BNC2: variants seen among roughly 807,000 people sequenced by gnomAD.
BNC2 encodes basonuclin zinc finger protein 2.
BNC2 carries 20 observed loss-of-function variants against 76.3 expected under a neutral mutation model. That is an observed-to-expected ratio of 0.26 (90% CI 0.18 to 0.38). The LOEUF (loss-of-function observed/expected upper bound fraction) is 0.38. Ranked by LOEUF, BNC2 falls within the 10% of genes least tolerant of loss-of-function variation. BNC2 has a pLI of 1.00. For missense variants in BNC2, 1,382 were observed against 1,399.8 expected, an observed-to-expected ratio of 0.99 and a Z score of 0.20; for synonymous variants, 582 against 514.8, an observed-to-expected ratio of 1.13 and a Z score of -1.77.
At chr9:16,715,627 T>C (rs375458658) in intron 3 of BNC2, among the ~76,000 whole-genome samples, 1 of 152,206 alleles carries the variant, frequency 6.6e-6, no homozygotes, top group East Asian at 1.9e-4. Context: ...CTCATCATTA[T>C]AAAGCAGCAG....
At chr9:16,832,266 G>A in intron 1 of BNC2, 1 of 1,283,286 alleles carries the variant, frequency 7.8e-7, no homozygotes, top group Non-Finnish European at 1.0e-6. Flanking sequence ...AAATCTAGAA[G>A]GTTCTTTGAC....
At chr9:16,795,016 T>C (rs549048380) in intron 1 of BNC2, among the ~76,000 whole-genome samples, 24 of 152,274 alleles carry the variant, frequency 1.6e-4, no homozygotes, top group African/African-American at 5.8e-4. Flanking sequence ...GCCCAAGACT[T>C]GGAATCATTC....
intron 1 of BNC2, among the ~76,000 whole-genome samples, chr9:16,801,590 C>T (rs1008179601): frequency 2.6e-5 from 4 of 151,970 alleles, no homozygotes; most frequent in African/African-American, 9.7e-5. Context: ...TCAACTAAAC[C>T]TCAAGTACTT....
intron 3 of BNC2, among the ~76,000 whole-genome samples, chr9:16,692,186 T>C (rs1041472542): frequency 6.6e-6 from 1 of 152,212 alleles, no homozygotes; most frequent in Non-Finnish European, 1.5e-5. Context: ...TAATACATTA[T>C]TTTGGAAATT....
intron 3 of BNC2, among the ~76,000 whole-genome samples, chr9:16,700,717 T>C (rs1332623695): frequency 1.3e-5 from 2 of 152,178 alleles, no homozygotes; most frequent in Non-Finnish European, 2.9e-5. Context: ...CCCAGCCCTT[T>C]GGGAGGCTGA....
intron 3 of BNC2, among the ~76,000 whole-genome samples, chr9:16,618,439 T>TA (rs1415266489): frequency 1.3e-5 from 2 of 152,160 alleles, no homozygotes; most frequent in African/African-American, 4.8e-5. Flanking sequence ...AAGAAAGCTA[T>TA]ATCGAGCATG....
At chr9:16,571,053 A>G (rs1202432088) in intron 4 of BNC2, among the ~76,000 whole-genome samples, 1 of 152,144 alleles carries the variant, frequency 6.6e-6, no homozygotes, top group African/African-American at 2.4e-5. Flanking sequence ...CAAATTGTAA[A>G]ATGTAGCAAT....
In BNC2 at chr9:16,417,459, C is replaced by A. The variant is rs1820608997; in HGVS notation, c.*1530G>T. ...AACATTGAGAGATCCTGCTTTAAAA[C>A]CCCCTTCTTCTGGCTTTTCAGAAAG... On this transcript the variant is annotated 3_prime_UTR_variant, in exon 7 of 7. Coordinates refer to ENST00000380672, the MANE Select transcript of BNC2 (RefSeq NM_017637.6). 1 of 152,164 alleles carries A rather than the reference C, an allele frequency of 6.6e-6. No homozygotes were observed. The highest frequency in any genetic ancestry group is 2.1e-4 in the South Asian group (1 of 4,822). 9.4% of individuals were successfully genotyped at this position (152,164 alleles called of 1,614,324 possible). A position where few individuals can be genotyped will look rare whatever the true frequency, so the allele number is the denominator to read the frequency against.
At position 16,524,284 on chromosome 9, in the gene BNC2, G is replaced by C. The variant is rs79993739; in HGVS notation, c.669+28246C>G. Among the ~76,000 whole-genome samples, 783 of 152,330 alleles carry C rather than the reference G, an allele frequency of 5.1e-3. 6 individuals carry two copies. Among genetic ancestry groups the C allele is most frequent in the Middle Eastern group, 0.02 (6 of 294 alleles). On this transcript the variant is annotated intron_variant, in intron 5 of 6. Coordinates refer to ENST00000380672, the MANE Select transcript of BNC2 (RefSeq NM_017637.6). The stretch of plus-strand genomic sequence containing the variant: ...CAGTATGAGCTACTAGTAGACACCA[G>C]ATTTAACCTGAGAGTGAATGGGGCT...
intron 5 of BNC2, among the ~76,000 whole-genome samples, chr9:16,498,469 G>C (rs1006684914): frequency 6.6e-6 from 1 of 150,828 alleles, no homozygotes; most frequent in African/African-American, 2.4e-5. Context: ...TAAGCTATGA[G>C]GACGCAAACA....
chr9:16,678,639 TA>T lies in BNC2; in HGVS notation c.330+49157del, dbSNP rs749495448. On this transcript the variant is annotated intron_variant, in intron 3 of 6. Coordinates refer to ENST00000380672, the MANE Select transcript of BNC2 (RefSeq NM_017637.6). Reference sequence around the variant, plus strand: ...TAAAATTCTTTCTGTACCTAAACAGTAACAGTCTCTTTTTTTTTTTTTTCAA... The same window carrying T: ...TAAAATTCTTTCTGTACCTAAACAGTACAGTCTCTTTTTTTTTTTTTTCAA... Among the ~76,000 whole-genome samples, 11 of 151,268 alleles carry T rather than the reference TA, an allele frequency of 7.3e-5. No individual in the cohort carries two copies. The East Asian group carries it at 9.7e-4, about 13-fold the overall frequency.
chr9:16,838,009 A>C (rs1818746720), intron 1 of BNC2, among the ~76,000 whole-genome samples: 1 of 152,144 alleles, frequency 6.6e-6, no homozygotes, highest in South Asian at 2.1e-4. Context: ...AAAACGCCAA[A>C]AGGAAAAGGC....
intron 1 of BNC2, among the ~76,000 whole-genome samples, chr9:16,741,934 G>T (rs1435160868): frequency 1.5e-5 from 2 of 132,526 alleles, no homozygotes; most frequent in African/African-American, 5.5e-5. Context: ...CTGCAGCCTG[G>T]GTGACAAAGT....
intron 3 of BNC2, among the ~76,000 whole-genome samples, chr9:16,649,997 G>A (rs766104006): frequency 6.6e-5 from 10 of 152,156 alleles, no homozygotes; most frequent in African/African-American, 9.7e-5. Flanking sequence ...TGGAGACACC[G>A]AAGAGGTTCA....
chr9:16,869,707 G>A (rs1215035437), intron 1 of BNC2, among the ~76,000 whole-genome samples: 1 of 152,160 alleles, frequency 6.6e-6, no homozygotes, highest in East Asian at 1.9e-4. Flanking sequence ...CGGACAGAGC[G>A]GCTCATCACC....
intron 5 of BNC2, among the ~76,000 whole-genome samples, chr9:16,521,346 G>A (rs1025084847): frequency 3.3e-5 from 5 of 152,132 alleles, no homozygotes; most frequent in Admixed American, 6.6e-5. Flanking sequence ...AATTTCCACC[G>A]GAAATAAAAG....
chr9:16,856,255 T>TCA (rs1296265965), intron 1 of BNC2, among the ~76,000 whole-genome samples: 2 of 131,782 alleles, frequency 1.5e-5, no homozygotes, highest in East Asian at 2.6e-4. Context: ...CCATATTTCT[T>TCA]CACACACACT....
At chr9:16,774,028 C>T (rs558097547) in intron 1 of BNC2, among the ~76,000 whole-genome samples, 3 of 152,118 alleles carry the variant, frequency 2.0e-5, no homozygotes, top group Non-Finnish European at 2.9e-5. Flanking sequence ...ATTGCCCAGG[C>T]TGGAGTACAG....
chr9:16,639,756 A>G (rs1313778091), intron 3 of BNC2, among the ~76,000 whole-genome samples: 1 of 152,104 alleles, frequency 6.6e-6, no homozygotes, highest in Non-Finnish European at 1.5e-5. Context: ...CATCTCTACA[A>G]AAATTTTTTT....
Sources: allele counts gnomAD v4.1 joint callset (sites outside exome capture counted in the v4.1 genomes callset), GRCh38; gene constraint gnomAD v4.1.1; transcripts MANE v1.5; gene names NCBI Gene and HGNC (gene_info 2026-07-23, HGNC 2026-07-21).